Variants in DARS1 observed in about 807,000 individuals in gnomAD.
DARS1 encodes aspartyl-tRNA synthetase 1, also known as aspartate--tRNA ligase, cytoplasmic.
Under a neutral mutation model 68.8 loss-of-function variants are expected in DARS1, and 51 were observed. That is an observed-to-expected ratio of 0.74 (90% CI 0.59 to 0.94). The LOEUF (loss-of-function observed/expected upper bound fraction) is 0.94, where lower values mean the gene tolerates loss of function less well. Ranked by LOEUF, DARS1 falls within the 40% of genes least tolerant of loss-of-function variation. DARS1 has a pLI of 0.00. For synonymous variants in DARS1, 203 were observed against 190.4 expected, an observed-to-expected ratio of 1.07 and a Z score of -0.55; for missense variants, 607 against 597.3, an observed-to-expected ratio of 1.02 and a Z score of -0.17.
intron 12 of DARS1, 144 bp downstream of exon 12, chr2:135,914,325 A>T (rs554986509): frequency 7.2e-5 from 44 of 612,870 alleles, no homozygotes; most frequent in African/African-American, 4.4e-4. Context: ...TAAGAAAAAA[A>T]TTTTTTTAAT....
At chr2:135,933,449 T>C (rs1435180448) in intron 6 of DARS1, among the ~76,000 whole-genome samples, 2 of 152,210 alleles carry the variant, frequency 1.3e-5, no homozygotes. Context: ...ATAAACAGAA[T>C]GTCATCCGAA....
chr2:135,918,266 C>T (rs552126131), intron 10 of DARS1, among the ~76,000 whole-genome samples: 54 of 152,220 alleles, frequency 3.5e-4, no homozygotes, highest in African/African-American at 1.3e-3. Flanking sequence ...TATCAACTCC[C>T]ATTCATCATG....
intron 13 of DARS1, 157 bp from the exon 14 acceptor site, chr2:135,911,650 C>A: frequency 1.8e-6 from 1 of 541,982 alleles, no homozygotes; most frequent in East Asian, 3.1e-5. Context: ...CTACTGAGGG[C>A]TGAATAACTT....
At chr2:135,931,040 C>A (rs1162160156) in intron 7 of DARS1, among the ~76,000 whole-genome samples, 1 of 152,166 alleles carries the variant, frequency 6.6e-6, no homozygotes, top group African/African-American at 2.4e-5. Context: ...AGGGCACCTG[C>A]CTGTAAAGTT....
At chr2:135,912,786 T>C (rs1201171927) in intron 12 of DARS1, among the ~76,000 whole-genome samples, 2 of 150,722 alleles carry the variant, frequency 1.3e-5, no homozygotes, top group African/African-American at 2.4e-5. Context: ...GCATTACTTA[T>C]TATCCATAGT....
chr2:135,958,504 C>T (rs1282622607), intron 4 of DARS1, among the ~76,000 whole-genome samples: 1 of 152,050 alleles, frequency 6.6e-6, no homozygotes, highest in South Asian at 2.1e-4. Context: ...AAGTTCTTGC[C>T]GAAGTCTAAA....
Position 135,907,244 on chromosome 2 carries a change from T to G in DARS1, c.*72A>C. On this transcript the variant is annotated 3_prime_UTR_variant, in exon 16 of 16. Transcript: ENST00000264161. ...CTGAAAAGAATAAGTGTGGCTTTCT[T>G]TTTTTTTTTTTTTTTTTGAGGCAGG... 1 of 300,336 alleles carries G rather than the reference T, an allele frequency of 3.3e-6. No individual in the cohort carries two copies. The highest frequency in any genetic ancestry group is 5.1e-6 in the Non-Finnish European group (1 of 194,700). 18.6% of individuals were successfully genotyped at this position (300,336 alleles called of 1,614,324 possible). A position where few individuals can be genotyped will look rare whatever the true frequency, so the allele number is the denominator to read the frequency against.
At chr2:135,979,415 C>A (rs1459133812) in intron 2 of DARS1, 49 bp from the exon 3 acceptor site, 2 of 834,508 alleles carry the variant, frequency 2.4e-6, no homozygotes, top group Non-Finnish European at 4.1e-6. Context: ...TTTTTAAATT[C>A]AGAATTTACA....
rs370785432 is a variant in DARS1 at position 135,943,487 on chromosome 2, A to G, written c.321-7T>C. 2 of 1,610,014 alleles carry G rather than the reference A, an allele frequency of 1.2e-6. No homozygotes were observed. On this transcript the variant is annotated splice_region_variant and splice_polypyrimidine_tract_variant and intron_variant, in intron 4 of 15. Coordinates refer to ENST00000264161, the MANE Select transcript of DARS1 (RefSeq NM_001349.4). Reference sequence around the variant, plus strand: ...AATGCTCTCTTTGTTGATGCTGTCAAGAGAAAAAATTCCCAACTTGAATCA... The same window carrying G: ...AATGCTCTCTTTGTTGATGCTGTCAGGAGAAAAAATTCCCAACTTGAATCA...
intron 3 of DARS1, 41 bp from the exon 4 acceptor site, chr2:135,961,539 C>T: frequency 1.0e-6 from 1 of 982,320 alleles, no homozygotes; most frequent in Middle Eastern, 2.1e-4. Context: ...TAAGGACACG[C>T]AACTTCAGGT....
intron 7 of DARS1, among the ~76,000 whole-genome samples, chr2:135,929,537 AC>A (rs760147038): frequency 5.9e-5 from 9 of 152,198 alleles, no homozygotes; most frequent in Non-Finnish European, 1.3e-4. Flanking sequence ...CATCTGTTTA[AC>A]ACCCAGAAAT....
chr2:135,964,541 G>A (rs549566534), intron 3 of DARS1, among the ~76,000 whole-genome samples: 4 of 151,974 alleles, frequency 2.6e-5, no homozygotes, highest in African/African-American at 4.8e-5. Flanking sequence ...GAAAATCAAC[G>A]GTTATAAGTG....
intron 2 of DARS1, among the ~76,000 whole-genome samples, chr2:135,983,190 A>T (rs1682676594): frequency 6.6e-6 from 1 of 152,286 alleles, no homozygotes; most frequent in South Asian, 2.1e-4. Flanking sequence ...ACAATACCTA[A>T]TAACATTTTT....
intron 15 of DARS1, among the ~76,000 whole-genome samples, chr2:135,910,112 T>C (rs1575380730): frequency 6.6e-6 from 1 of 152,314 alleles, no homozygotes; most frequent in South Asian, 2.1e-4. Context: ...TTGTAAATAA[T>C]GCTGCATTGA....
At chr2:135,974,785 T>C (rs144366201) in intron 3 of DARS1, among the ~76,000 whole-genome samples, 110 of 152,254 alleles carry the variant, frequency 7.2e-4, no homozygotes, top group African/African-American at 2.5e-3. Context: ...TTGTAATGCC[T>C]CTCTTCGCCT....
At chr2:135,924,004 T>C (rs1475013819) in intron 8 of DARS1, among the ~76,000 whole-genome samples, 2 of 152,074 alleles carry the variant, frequency 1.3e-5, no homozygotes, top group Admixed American at 1.3e-4. Flanking sequence ...CAACAAGAAT[T>C]AAGGAAATTT....
intron 9 of DARS1, among the ~76,000 whole-genome samples, chr2:135,921,238 C>T (rs1352537765): frequency 6.6e-6 from 1 of 151,546 alleles, no homozygotes; most frequent in African/African-American, 2.4e-5. Flanking sequence ...CAGAAACTTA[C>T]AATGGTTCCC....
intron 4 of DARS1, among the ~76,000 whole-genome samples, chr2:135,949,850 C>T (rs1221288985): frequency 6.6e-6 from 1 of 152,086 alleles, no homozygotes; most frequent in Non-Finnish European, 1.5e-5. Flanking sequence ...TATTAAATTC[C>T]AATGTTTCTT....
At chr2:135,919,479 T>A (rs1681070862) in intron 10 of DARS1, among the ~76,000 whole-genome samples, 1 of 152,248 alleles carries the variant, frequency 6.6e-6, no homozygotes. Flanking sequence ...AAATTTTAAA[T>A]ATGATCTTCT....
Sources: allele counts gnomAD v4.1 joint callset (sites outside exome capture counted in the v4.1 genomes callset), GRCh38; gene constraint gnomAD v4.1.1; transcripts MANE v1.5; gene names NCBI Gene and HGNC (gene_info 2026-07-23, HGNC 2026-07-21).